NR6A1: variants seen among roughly 807,000 people sequenced by gnomAD.
NR6A1 encodes retinoic acid receptor-related testis-associated receptor.
In NR6A1, 7 loss-of-function variants were observed where a neutral mutation model predicts 59.1. The observed-to-expected ratio is 0.12, with a 90% confidence interval of 0.07 to 0.22. The LOEUF is 0.22. NR6A1 is among the 10% of genes least tolerant of loss of function. The probability of loss-of-function intolerance (pLI) is 1.00; values close to 1 mark genes in which losing one functional copy is unlikely to be tolerated. For missense variants in NR6A1, 468 were observed against 611.6 expected (o/e 0.77, Z 2.48); for synonymous variants, 243 against 236.1 (o/e 1.03, Z -0.27).
chr9:124,683,235 G>GGGAAAA (rs144520685), intron 2 of NR6A1, among the ~76,000 whole-genome samples: 9,523 of 149,818 alleles, frequency 0.064, 347 homozygotes, highest in East Asian at 0.099. Flanking sequence ...GAAAGGGAAA[G>GGGAAAA]GGAAAAGGAA....
chr9:124,693,565 A>G, intron 2 of NR6A1: 1 of 372,242 alleles, frequency 2.7e-6, no homozygotes, highest in Non-Finnish European at 5.5e-6. Flanking sequence ...TGTCAATGTT[A>G]TGGACACCTG....
chr9:124,581,377 G>A (rs1352390057), intron 2 of NR6A1, among the ~76,000 whole-genome samples: 2 of 152,062 alleles, frequency 1.3e-5, no homozygotes, highest in Non-Finnish European at 2.9e-5. Flanking sequence ...GGCGGATCAC[G>A]AGGTCAAGAG....
At chr9:124,658,934 G>C (rs1837339647) in intron 2 of NR6A1, among the ~76,000 whole-genome samples, 1 of 152,010 alleles carries the variant, frequency 6.6e-6, no homozygotes, top group African/African-American at 2.4e-5. Context: ...CGCAGCTGGA[G>C]AGAGTTATGA....
rs771306663 is a variant in NR6A1 at position 124,583,900 on chromosome 9, G to A, written c.143-29330C>T. On this transcript the variant is annotated intron_variant, in intron 2 of 9. Coordinates refer to ENST00000487099, the MANE Select transcript of NR6A1 (RefSeq NM_033334.4). Reference sequence around the variant, plus strand: ...TACAGTATTGCTATCAGTATGCCCCGAACACTTCATTACACTTATTTATGT... The same window carrying A: ...TACAGTATTGCTATCAGTATGCCCCAAACACTTCATTACACTTATTTATGT... 3.9e-5 allele frequency among the ~76,000 whole-genome samples: 6 copies of A among 152,132 alleles called. 1 individual carries two copies. Among genetic ancestry groups the A allele is most frequent in the Middle Eastern group, 6.8e-3 (2 of 294 alleles).
chr9:124,657,339 G>T (rs1255970413), intron 2 of NR6A1, among the ~76,000 whole-genome samples: 1 of 152,118 alleles, frequency 6.6e-6, no homozygotes, highest in Non-Finnish European at 1.5e-5. Flanking sequence ...CAACAACTGT[G>T]AGAAAGGCAA....
chr9:124,700,976 G>T (rs1176219479), intron 2 of NR6A1, among the ~76,000 whole-genome samples: 1 of 151,996 alleles, frequency 6.6e-6, no homozygotes, highest in Admixed American at 6.6e-5. Context: ...GGCCAGGCGG[G>T]TCTCAAACTC....
chr9:124,608,235 C>CA (rs1165654825), intron 2 of NR6A1, among the ~76,000 whole-genome samples: 1 of 152,082 alleles, frequency 6.6e-6, no homozygotes, highest in Non-Finnish European at 1.5e-5. Flanking sequence ...CTGCATGTAT[C>CA]AACCCATCAC....
intron 1 of NR6A1, among the ~76,000 whole-genome samples, chr9:124,744,545 CG>C (rs1440264812): frequency 2.0e-5 from 3 of 152,144 alleles, no homozygotes; most frequent in Non-Finnish European, 2.9e-5. Context: ...CTGCAACAGC[CG>C]GATGGATGGG....
chr9:124,675,828 C>T (rs1837939186), intron 2 of NR6A1, among the ~76,000 whole-genome samples: 1 of 152,174 alleles, frequency 6.6e-6, no homozygotes, highest in Non-Finnish European at 1.5e-5. Flanking sequence ...AGGTGCCAAA[C>T]TCAATCCAGA....
intron 3 of NR6A1, among the ~76,000 whole-genome samples, chr9:124,553,436 C>T (rs937277060): frequency 1.3e-5 from 2 of 152,072 alleles, no homozygotes; most frequent in Non-Finnish European, 1.5e-5. Context: ...CATCTTTATG[C>T]ATCCTTCTCA....
At chr9:124,701,698 C>A (rs149973528) in intron 2 of NR6A1, among the ~76,000 whole-genome samples, 98 of 152,186 alleles carry the variant, frequency 6.4e-4, no homozygotes, top group African/African-American at 2.3e-3. Flanking sequence ...GAGTTCTTTA[C>A]GTATTTTAGA....
At chr9:124,595,284 C>T (rs78722078) in intron 2 of NR6A1, among the ~76,000 whole-genome samples, 3,475 of 152,286 alleles carry the variant, frequency 0.023, 107 homozygotes, top group East Asian at 0.085. Context: ...TAGAAGCTCC[C>T]TACCAGAGGA....
chr9:124,637,659 A>G (rs1836648744), intron 2 of NR6A1, among the ~76,000 whole-genome samples: 1 of 152,056 alleles, frequency 6.6e-6, no homozygotes, highest in East Asian at 1.9e-4. Context: ...GGAAGGTCAA[A>G]GCGGGCAGAT....
chr9:124,707,839 C>T lies in NR6A1; in HGVS notation c.142+25469G>A, dbSNP rs74768079. Among the ~76,000 whole-genome samples, 1,006 of 152,248 alleles carry T rather than the reference C, an allele frequency of 6.6e-3. 15 individuals carry two copies. The highest frequency in any genetic ancestry group is 0.027 in the East Asian group (140 of 5,162). ...GCTTCCTACTCCATTAAAGATTAGT[C>T]AGAGATGGTAATCAACCACCTTGAG... On this transcript the variant is annotated intron_variant, in intron 2 of 9. Coordinates refer to ENST00000487099, the MANE Select transcript of NR6A1 (RefSeq NM_033334.4).
intron 2 of NR6A1, among the ~76,000 whole-genome samples, chr9:124,708,894 C>A (rs1839204909): frequency 6.6e-6 from 1 of 152,200 alleles, no homozygotes; most frequent in Non-Finnish European, 1.5e-5. Context: ...GGTCCCTTTC[C>A]CACTGGCCCA....
At chr9:124,616,611 C>T (rs1835902179) in intron 2 of NR6A1, among the ~76,000 whole-genome samples, 1 of 151,974 alleles carries the variant, frequency 6.6e-6, no homozygotes, top group Non-Finnish European at 1.5e-5. Flanking sequence ...TATATACATA[C>T]TTATACACAC....
Position 124,738,071 on chromosome 9 carries a change from T to C in NR6A1, c.101-4722A>G, listed in dbSNP as rs1159306664. Among the ~76,000 whole-genome samples, 9 of 152,038 alleles carry C rather than the reference T, an allele frequency of 5.9e-5. No homozygotes were observed. The South Asian group carries it at 1.9e-3, about 31-fold the overall frequency. On this transcript the variant is annotated intron_variant, in intron 1 of 9. Transcript: ENST00000487099. ...GAGTTCAAGACCAGCCTGGCCAACATAGTAAAACCCCGTTTCTACTAAAAA... is the reference window on the plus strand; with the variant it reads ...GAGTTCAAGACCAGCCTGGCCAACACAGTAAAACCCCGTTTCTACTAAAAA...
intron 9 of NR6A1, among the ~76,000 whole-genome samples, chr9:124,523,272 A>C (rs528983427): frequency 3.9e-5 from 6 of 152,332 alleles, no homozygotes; most frequent in African/African-American, 1.4e-4. Flanking sequence ...GGGGAAAAAG[A>C]AGCAGGGGTA....
At chr9:124,742,030 TAGAG>T (rs1366691199) in intron 1 of NR6A1, among the ~76,000 whole-genome samples, 1 of 152,104 alleles carries the variant, frequency 6.6e-6, no homozygotes, top group East Asian at 1.9e-4. Context: ...AAGCACTAAA[TAGAG>T]AGAAAAAACA....
Sources: gnomAD v4.1 joint callset for allele counts (sites outside exome capture counted in the v4.1 genomes callset) on GRCh38, gnomAD v4.1.1 for gene constraint, MANE v1.5 for transcripts, NCBI Gene and HGNC (gene_info 2026-07-23, HGNC 2026-07-21) for gene names.